The following SIN3A variants were observed in gnomAD, a reference collection of about 807,000 sequenced individuals.
SIN3A encodes the protein paired amphipathic helix protein Sin3a.
A neutral mutation model predicts 146.1 loss-of-function variants in SIN3A; 14 were observed. The ratio of observed to expected loss-of-function variants is 0.10; its 90% confidence interval spans 0.06 to 0.15. The LOEUF (loss-of-function observed/expected upper bound fraction) is 0.15. SIN3A is among the 10% of genes least tolerant of loss of function. SIN3A has a pLI of 1.00. For synonymous variants in SIN3A, 572 were observed against 572.0 expected (o/e 1.00, Z 0.00); for missense variants, 1,028 against 1,576.0 (o/e 0.65, Z 5.89).
In SIN3A at chr15:75,370,660, C is replaced by A. The variant is rs1456403014; in HGVS notation, c.*1319G>T. The A allele has an allele frequency of 6.6e-6, 1 of 151,932 alleles. No individual in the cohort carries two copies. The highest frequency in any genetic ancestry group is 1.5e-5 in the Non-Finnish European group (1 of 68,012). 9.4% of individuals were successfully genotyped at this position (151,932 alleles called of 1,614,324 possible). A position where few individuals can be genotyped will look rare whatever the true frequency, so the allele number is the denominator to read the frequency against. ...TTAAGTTGCTCACCCCCATCCATCA[C>A]CAATGTGAATAAGAAAAAATATATA... On this transcript the variant is annotated 3_prime_UTR_variant, in exon 21 of 21. Transcript: ENST00000394947.
chr15:75,381,978 T>C (rs1227925626), intron 17 of SIN3A, among the ~76,000 whole-genome samples: 3 of 152,234 alleles, frequency 2.0e-5, no homozygotes, highest in Non-Finnish European at 4.4e-5. Flanking sequence ...TAAGAATGTT[T>C]TACAAAACAA....
At chr15:75,403,418 G>A (rs1023338055) in intron 9 of SIN3A, among the ~76,000 whole-genome samples, 4 of 151,070 alleles carry the variant, frequency 2.6e-5, no homozygotes, top group Admixed American at 6.6e-5. Flanking sequence ...CAATAAGAGC[G>A]AAACTCCGTC....
chr15:75,435,981 G>A (rs1458059509), intron 1 of SIN3A, among the ~76,000 whole-genome samples: 3 of 150,196 alleles, frequency 2.0e-5, no homozygotes, highest in Non-Finnish European at 4.4e-5. Context: ...GAAACAATTA[G>A]CTGGAAGTGG....
intron 1 of SIN3A, among the ~76,000 whole-genome samples, chr15:75,451,074 G>A (rs1202437525): frequency 2.0e-5 from 2 of 100,112 alleles, no homozygotes; most frequent in East Asian, 3.0e-4. Context: ...CCGAGGCCCC[G>A]CCCACCCCAG....
At chr15:75,381,478 C>CT (rs1034314478) in intron 18 of SIN3A, 135 bp downstream of exon 18, 31 of 659,442 alleles carry the variant, frequency 4.7e-5, no homozygotes, top group Non-Finnish European at 6.9e-5. Flanking sequence ...TTGACTTGTA[C>CT]TTTAAGCATC....
intron 2 of SIN3A, 71 bp from the exon 3 acceptor site, chr15:75,422,894 T>C: frequency 2.1e-6 from 3 of 1,459,004 alleles, no homozygotes; most frequent in East Asian, 4.6e-5. Flanking sequence ...TCTAAATAAC[T>C]AACACAAATG....
chr15:75,450,232 A>G lies in SIN3A; in HGVS notation c.-34+1191T>C, dbSNP rs116616506. Among the ~76,000 whole-genome samples the G allele has an allele frequency of 3.1e-3, 476 of 152,254 alleles. 1 individual carries two copies. The highest frequency in any genetic ancestry group is 0.011 in the African/African-American group (463 of 41,560). Reference sequence around the variant, plus strand: ...TAAACAGACCAGTTTTGAGATTAAAATGTAAATCCAAACTTTCCTGTTATA... The same window carrying G: ...TAAACAGACCAGTTTTGAGATTAAAGTGTAAATCCAAACTTTCCTGTTATA... On this transcript the variant is annotated intron_variant, in intron 1 of 20. Transcript: ENST00000394947.
At chr15:75,396,630 C>A in intron 12 of SIN3A, 134 bp from the exon 13 acceptor site, 1 of 642,492 alleles carries the variant, frequency 1.6e-6, no homozygotes, top group South Asian at 2.0e-5. Flanking sequence ...CTACATAAGA[C>A]TGTTTCTTTA....
intron 3 of SIN3A, chr15:75,420,980 T>C (rs2073832296): frequency 6.6e-6 from 1 of 152,190 alleles, no homozygotes; most frequent in Non-Finnish European, 1.5e-5. Flanking sequence ...CCAGTTTCCA[T>C]AAAGCAAACA....
At chr15:75,404,321 C>T (rs1024288917) in intron 9 of SIN3A, among the ~76,000 whole-genome samples, 3 of 152,134 alleles carry the variant, frequency 2.0e-5, no homozygotes, top group Admixed American at 1.3e-4. Flanking sequence ...AGAAGTATAA[C>T]GAACCTATGT....
At chr15:75,434,950 A>G (rs958772629) in intron 1 of SIN3A, among the ~76,000 whole-genome samples, 3 of 151,994 alleles carry the variant, frequency 2.0e-5, no homozygotes, top group Non-Finnish European at 4.4e-5. Flanking sequence ...CTCCGCCTCA[A>G]GAAAAAAAAA....
intron 12 of SIN3A, 48 bp downstream of exon 12, chr15:75,399,992 T>C (rs746857440): frequency 2.0e-6 from 2 of 1,019,496 alleles, no homozygotes; most frequent in Non-Finnish European, 3.1e-6. Flanking sequence ...ATAGTCTCAC[T>C]GAGCATCTCC....
chr15:75,420,582 T>A (rs932588073), intron 3 of SIN3A: 13 of 152,170 alleles, frequency 8.5e-5, no homozygotes, highest in African/African-American at 3.1e-4. Context: ...AGGCATGGTT[T>A]CATCACATTT....
At chr15:75,400,701 G>A in intron 11 of SIN3A, 29 bp downstream of exon 11, 1 of 1,578,150 alleles carries the variant, frequency 6.3e-7, no homozygotes. Context: ...TGAGGACCCA[G>A]GGCTGATCTT....
intron 2 of SIN3A, among the ~76,000 whole-genome samples, chr15:75,427,400 T>C (rs899893305): frequency 6.6e-6 from 1 of 151,998 alleles, no homozygotes; most frequent in Non-Finnish European, 1.5e-5. Context: ...CCGGGTGCAG[T>C]GGCTCACGCC....
At chr15:75,394,601 CA>C (rs1380624436) in intron 14 of SIN3A, 78 bp downstream of exon 14, 1 of 1,221,224 alleles carries the variant, frequency 8.2e-7, no homozygotes, top group East Asian at 2.4e-5. Context: ...CTGCATTTAA[CA>C]AAGGTAATTT....
At chr15:75,415,384 C>T (rs983351697) in intron 3 of SIN3A, 6 of 155,394 alleles carry the variant, frequency 3.9e-5, no homozygotes, top group African/African-American at 1.2e-4. Context: ...CGATCAAAGC[C>T]CACATGCCAC....
chr15:75,411,638 T>C lies in SIN3A; in HGVS notation c.862A>G (p.Ile288Val), dbSNP rs116550351. Residue 288 changes from isoleucine (I) to valine (V), a missense_variant, in exon 6 of 21, where the codon ATC (isoleucine) becomes GTC (valine). Coordinates refer to ENST00000394947, the MANE Select transcript of SIN3A (RefSeq NM_001145358.2). ...PPVQPHTPVT[I>V]SLGTAPSLQN... The stretch of plus-strand genomic sequence containing the variant: ...AAGGATGGGGCCGTTCCCAACGAGA[T>C]TGTCACTGGTGTGTGAGGCTGGACC... 613 of 1,614,074 alleles carry C rather than the reference T, an allele frequency of 3.8e-4. 1 individual carries two copies. The African/African-American group carries it at 6.7e-3, about 18-fold the overall frequency.
rs1292897653 is a variant in SIN3A at position 75,396,373 on chromosome 15, T to C, written c.1978A>G (p.Thr660Ala). The C allele has an allele frequency of 6.2e-7, 1 of 1,614,054 alleles. No homozygotes were observed. The highest frequency in any genetic ancestry group is 1.3e-5 in the African/African-American group (1 of 74,920). ...GCTTTTCTATGGATGACTTCTGATG[T>C]GCCCCCAAGGGTGTTGTCCAAGCGA... ...KFRLDNTLGG[T>A]SEVIHRKALQ... The change falls in exon 13 of 21, where the codon ACA becomes GCA. Residue 660 changes from threonine to alanine, a missense_variant. By Grantham distance (58) the Thr-to-Ala change is moderately conservative (BLOSUM62 0). Transcript: ENST00000394947.
Sources: allele counts gnomAD v4.1 joint callset (sites outside exome capture counted in the v4.1 genomes callset), GRCh38; gene constraint gnomAD v4.1.1; transcripts MANE v1.5; gene names NCBI Gene and HGNC (gene_info 2026-07-23, HGNC 2026-07-21).